EYS: variants seen among roughly 807,000 people sequenced by gnomAD.
EYS encodes protein eyes shut homolog.
In EYS, 250 loss-of-function variants were observed where a neutral mutation model predicts 282.1. The ratio of observed to expected loss-of-function variants is 0.89; its 90% CI spans 0.80 to 0.98. The LOEUF is 0.98. EYS is among the 50% of genes least tolerant of loss of function. EYS has a pLI of 0.00. For missense variants in EYS, 4,016 were observed against 3,709.0 expected, an observed-to-expected ratio of 1.08 and a Z score of -2.15; for synonymous variants, 1,355 against 1,282.9, an observed-to-expected ratio of 1.06 and a Z score of -1.20.
At chr6:65,016,169 G>T (rs576121161) in intron 13 of EYS, among the ~76,000 whole-genome samples, 1 of 150,226 alleles carries the variant, frequency 6.7e-6, no homozygotes, top group Non-Finnish European at 1.5e-5. Context: ...CTCAAGACCC[G>T]CTTGGATAAC....
chr6:65,234,171 T>A (rs1325032893), intron 12 of EYS, among the ~76,000 whole-genome samples: 2 of 152,188 alleles, frequency 1.3e-5, no homozygotes, highest in African/African-American at 4.8e-5. Flanking sequence ...CTCAGACAAA[T>A]CTGCAGAGCT....
At chr6:65,474,748 G>A (rs568910255) in intron 5 of EYS, among the ~76,000 whole-genome samples, 1 of 152,214 alleles carries the variant, frequency 6.6e-6, no homozygotes, top group Admixed American at 6.5e-5. Flanking sequence ...GAAAATAAAT[G>A]TTGTCATTGT....
At chr6:63,961,157 T>C (rs1309054711) in intron 35 of EYS, among the ~76,000 whole-genome samples, 1 of 152,170 alleles carries the variant, frequency 6.6e-6, no homozygotes, top group Non-Finnish European at 1.5e-5. Flanking sequence ...TGCCAGCAGA[T>C]TGTCTGATTA....
intron 31 of EYS, among the ~76,000 whole-genome samples, chr6:64,224,970 G>T (rs890298924): frequency 6.6e-6 from 1 of 151,912 alleles, no homozygotes; most frequent in Non-Finnish European, 1.5e-5. Flanking sequence ...ACAGGCAGTG[G>T]GTTAGCATAT....
chr6:64,775,220 C>T (rs1773642436), intron 22 of EYS, among the ~76,000 whole-genome samples: 1 of 151,932 alleles, frequency 6.6e-6, no homozygotes, highest in Admixed American at 6.6e-5. Flanking sequence ...GTCTGCATTG[C>T]CACCTTGAGT....
At chr6:64,965,204 A>G (rs1295921488) in intron 14 of EYS, among the ~76,000 whole-genome samples, 1 of 152,154 alleles carries the variant, frequency 6.6e-6, no homozygotes, top group African/African-American at 2.4e-5. Context: ...TATGTATTAA[A>G]TGATCTGCAT....
chr6:64,531,244 A>G, intron 26 of EYS, among the ~76,000 whole-genome samples: 1 of 152,322 alleles, frequency 6.6e-6, no homozygotes. Context: ...CCTAAGAATA[A>G]CAACAAAATA....
chr6:64,092,440 C>T (rs1459698010), intron 31 of EYS, among the ~76,000 whole-genome samples: 2 of 151,732 alleles, frequency 1.3e-5, no homozygotes, highest in African/African-American at 4.8e-5. Context: ...TAATGATTGC[C>T]ATTCTAACTG....
intron 22 of EYS, among the ~76,000 whole-genome samples, chr6:64,698,098 AAC>A (rs1464335788): frequency 9.2e-5 from 14 of 152,212 alleles, no homozygotes; most frequent in Non-Finnish European, 1.6e-4. Context: ...TTGTGTCAAC[AAC>A]ACAATTAAGA....
chr6:64,758,649 T>C (rs1377756362), intron 22 of EYS, among the ~76,000 whole-genome samples: 1 of 152,118 alleles, frequency 6.6e-6, no homozygotes, highest in Non-Finnish European at 1.5e-5. Flanking sequence ...CAGTTTGGAG[T>C]GAGAAAAAGT....
At chr6:64,208,889 A>C (rs1765686703) in intron 31 of EYS, among the ~76,000 whole-genome samples, 1 of 152,152 alleles carries the variant, frequency 6.6e-6, no homozygotes, top group South Asian at 2.1e-4. Context: ...TTAAACCTTC[A>C]ATAAATGTTT....
At chr6:64,463,456 T>G (rs1441839820) in intron 26 of EYS, among the ~76,000 whole-genome samples, 1 of 152,248 alleles carries the variant, frequency 6.6e-6, no homozygotes, top group Non-Finnish European at 1.5e-5. Context: ...TAGTTAAGCC[T>G]TTGCTGCCTT....
At chr6:63,768,831 T>C (rs1363773285) in intron 40 of EYS, among the ~76,000 whole-genome samples, 1 of 152,076 alleles carries the variant, frequency 6.6e-6, no homozygotes, top group Non-Finnish European at 1.5e-5. Flanking sequence ...TAGATGCCCA[T>C]CAACAGGGTA....
At chr6:63,979,379 G>A (rs1766989545) in intron 35 of EYS, among the ~76,000 whole-genome samples, 1 of 151,938 alleles carries the variant, frequency 6.6e-6, no homozygotes, top group Admixed American at 6.6e-5. Flanking sequence ...TAAAAGCTAT[G>A]AGAACAGCTA....
intron 28 of EYS, among the ~76,000 whole-genome samples, chr6:64,396,950 G>A (rs116830527): frequency 6.6e-6 from 1 of 151,796 alleles, no homozygotes; most frequent in East Asian, 1.9e-4. Flanking sequence ...GTATTCCTGG[G>A]CTCTCTCTCT....
chr6:64,028,394 C>A (rs1769641693), intron 33 of EYS, among the ~76,000 whole-genome samples: 1 of 152,134 alleles, frequency 6.6e-6, no homozygotes, highest in South Asian at 2.1e-4. Context: ...CCTGCAACAC[C>A]CCAATTCTAG....
chr6:64,260,380 G>C (rs1178426429), intron 30 of EYS, among the ~76,000 whole-genome samples: 1 of 152,030 alleles, frequency 6.6e-6, no homozygotes, highest in Non-Finnish European at 1.5e-5. Context: ...CCCACAGGTG[G>C]ATTTCATCCT....
chr6:65,595,995 G>A (rs925204390), intron 2 of EYS, among the ~76,000 whole-genome samples: 2 of 151,986 alleles, frequency 1.3e-5, no homozygotes, highest in East Asian at 1.9e-4. Context: ...AGCCTATTGC[G>A]AGCACCCCTA....
chr6:65,391,979 A>C (rs1766055323), intron 7 of EYS, among the ~76,000 whole-genome samples: 1 of 151,800 alleles, frequency 6.6e-6, no homozygotes, highest in African/African-American at 2.4e-5. Context: ...AGAGATATAG[A>C]TCAATGGAAC....
Sources: allele counts gnomAD v4.1 joint callset (sites outside exome capture counted in the v4.1 genomes callset), GRCh38; gene constraint gnomAD v4.1.1; transcripts MANE v1.5; gene names NCBI Gene and HGNC (gene_info 2026-07-23, HGNC 2026-07-21).